Variants in FBXL7 observed in about 807,000 individuals in gnomAD.
FBXL7 encodes the protein F-box and leucine rich repeat protein 7.
A neutral mutation model predicts 38.3 loss-of-function variants in FBXL7; 12 were observed. That is an observed-to-expected ratio of 0.31 (90% CI 0.20 to 0.51). FBXL7 has a LOEUF of 0.51. Ranked by LOEUF, FBXL7 falls within the 20% of genes least tolerant of loss-of-function variation. FBXL7 has a pLI of 0.98. For missense variants in FBXL7, 567 were observed against 676.4 expected (o/e 0.84, Z 1.79); for synonymous variants, 297 against 300.9 (o/e 0.99, Z 0.13).
chr5:15,921,181 A>T (rs111893996), intron 2 of FBXL7, among the ~76,000 whole-genome samples: 3 of 152,116 alleles, frequency 2.0e-5, no homozygotes, highest in African/African-American at 7.2e-5. Flanking sequence ...CAGGAGTTCG[A>T]GACCAGCCTG....
intron 2 of FBXL7, among the ~76,000 whole-genome samples, chr5:15,647,744 G>T (rs189851023): frequency 6.6e-6 from 1 of 152,294 alleles, no homozygotes; most frequent in Admixed American, 6.5e-5. Flanking sequence ...GAGTATTTTT[G>T]CATGTCATGG....
rs1033238381 is a variant in FBXL7 at position 15,539,222 on chromosome 5, T to A, written c.37+38509T>A. Among the ~76,000 whole-genome samples the A allele has an allele frequency of 2.0e-5, 3 of 152,280 alleles. No individual in the cohort carries two copies. In the East Asian group the frequency reaches 5.8e-4, roughly 29 times the overall value. On this transcript the variant is annotated intron_variant, in intron 1 of 3. Transcript: ENST00000504595. ...CCCAACAGCAAATGACTTAGACGGATCTTAGCTTGGTTTGTAGGGTTAAGC... is the reference window on the plus strand; with the variant it reads ...CCCAACAGCAAATGACTTAGACGGAACTTAGCTTGGTTTGTAGGGTTAAGC...
chr5:15,871,650 G>A (rs1739969150), intron 2 of FBXL7, among the ~76,000 whole-genome samples: 1 of 152,050 alleles, frequency 6.6e-6, no homozygotes, highest in Admixed American at 6.6e-5. Context: ...GAACTTCGTG[G>A]AGCATACACA....
chr5:15,562,024 A>G (rs1738428763), intron 1 of FBXL7, among the ~76,000 whole-genome samples: 1 of 152,144 alleles, frequency 6.6e-6, no homozygotes, highest in African/African-American at 2.4e-5. Context: ...GATAATGCAG[A>G]TAAGAATAGT....
chr5:15,508,544 A>G (rs1736707943), intron 1 of FBXL7, among the ~76,000 whole-genome samples: 1 of 152,110 alleles, frequency 6.6e-6, no homozygotes. Flanking sequence ...GAAGGTGGTA[A>G]TCACAGTGGA....
chr5:15,507,798 C>T (rs1304599863), intron 1 of FBXL7, among the ~76,000 whole-genome samples: 1 of 152,120 alleles, frequency 6.6e-6, no homozygotes, highest in Non-Finnish European at 1.5e-5. Context: ...AATCCCAGCA[C>T]TTTGGGAGGT....
intron 1 of FBXL7, among the ~76,000 whole-genome samples, chr5:15,541,356 A>G (rs1737737066): frequency 6.8e-6 from 1 of 146,660 alleles, no homozygotes; most frequent in Non-Finnish European, 1.5e-5. Flanking sequence ...AGTCCAAACT[A>G]TATGTATATA....
intron 2 of FBXL7, among the ~76,000 whole-genome samples, chr5:15,766,055 C>T (rs1185242729): frequency 6.7e-4 from 74 of 110,222 alleles, no homozygotes; most frequent in Admixed American, 1.4e-3. Flanking sequence ...TACCTACCTA[C>T]CTACCTACCT....
intron 2 of FBXL7, among the ~76,000 whole-genome samples, chr5:15,912,651 G>A (rs376597505): frequency 3.3e-5 from 5 of 151,894 alleles, no homozygotes; most frequent in South Asian, 2.1e-4. Context: ...TTAAAATGGA[G>A]CTTTCTATTA....
chr5:15,643,613 T>C (rs553688363), intron 2 of FBXL7, among the ~76,000 whole-genome samples: 17 of 152,358 alleles, frequency 1.1e-4, no homozygotes, highest in African/African-American at 2.9e-4. Flanking sequence ...CTTTGAACCA[T>C]GCTCGGTCTT....
intron 2 of FBXL7, among the ~76,000 whole-genome samples, chr5:15,682,755 A>G (rs1257106463): frequency 1.3e-5 from 2 of 152,174 alleles, no homozygotes; most frequent in East Asian, 1.9e-4. Flanking sequence ...TTACAACTAC[A>G]TGTGTGTGCA....
At chr5:15,587,147 T>C (rs567067459) in intron 1 of FBXL7, among the ~76,000 whole-genome samples, 1 of 152,348 alleles carries the variant, frequency 6.6e-6, no homozygotes, top group Admixed American at 6.5e-5. Flanking sequence ...TCTACATTCA[T>C]ATGGACTACA....
intron 2 of FBXL7, among the ~76,000 whole-genome samples, chr5:15,667,378 T>C (rs1742315854): frequency 6.6e-6 from 1 of 152,184 alleles, no homozygotes; most frequent in Admixed American, 6.5e-5. Context: ...GTGTACTACC[T>C]GTGAGGCACT....
At chr5:15,548,004 T>TTG (rs1561023366) in intron 1 of FBXL7, among the ~76,000 whole-genome samples, 1 of 152,140 alleles carries the variant, frequency 6.6e-6, no homozygotes, top group African/African-American at 2.4e-5. Flanking sequence ...AGGATGTAGG[T>TTG]GGCAGATCCT....
chr5:15,536,234 G>A (rs1207720199), intron 1 of FBXL7, among the ~76,000 whole-genome samples: 4 of 152,276 alleles, frequency 2.6e-5, no homozygotes, highest in African/African-American at 9.6e-5. Flanking sequence ...GGGCAATGCG[G>A]AAGGGAAATG....
chr5:15,872,303 A>G (rs765782543), intron 2 of FBXL7, among the ~76,000 whole-genome samples: 10 of 152,220 alleles, frequency 6.6e-5, no homozygotes, highest in Non-Finnish European at 1.5e-5. Flanking sequence ...AAAAACTGGT[A>G]CCAGCCATTG....
At chr5:15,594,204 T>G (rs1189711256) in intron 1 of FBXL7, among the ~76,000 whole-genome samples, 1 of 152,228 alleles carries the variant, frequency 6.6e-6, no homozygotes, top group East Asian at 1.9e-4. Flanking sequence ...ATATTGTCCT[T>G]TTGAATGAGG....
chr5:15,855,022 A>C (rs1739214837), intron 2 of FBXL7, among the ~76,000 whole-genome samples: 1 of 152,120 alleles, frequency 6.6e-6, no homozygotes, highest in Non-Finnish European at 1.5e-5. Flanking sequence ...ATTAGAAACA[A>C]GTCAAAATCC....
At chr5:15,562,721 T>C (rs1738448763) in intron 1 of FBXL7, among the ~76,000 whole-genome samples, 1 of 151,980 alleles carries the variant, frequency 6.6e-6, no homozygotes, top group Non-Finnish European at 1.5e-5. Context: ...TTCATCCCTT[T>C]CCCCTCCTCC....
Sources: allele counts gnomAD v4.1 joint callset (sites outside exome capture counted in the v4.1 genomes callset), GRCh38; gene constraint gnomAD v4.1.1; transcripts MANE v1.5; gene names NCBI Gene and HGNC (gene_info 2026-07-23, HGNC 2026-07-21).